Variants in IQCH observed in about 807,000 individuals in gnomAD.
IQCH encodes the protein IQ domain-containing protein H.
A neutral mutation model predicts 117.0 loss-of-function variants in IQCH; 98 were observed. The ratio of observed to expected loss-of-function variants is 0.84; its 90% CI spans 0.71 to 0.99. The LOEUF (loss-of-function observed/expected upper bound fraction) is 0.99, where lower values mean the gene tolerates loss of function less well. IQCH is among the 50% of genes least tolerant of loss of function. IQCH has a pLI of 0.00. For missense variants in IQCH, 1,102 were observed against 1,243.8 expected (o/e 0.89, Z 1.72); for synonymous variants, 412 against 448.2 (o/e 0.92, Z 1.02).
rs186083842 is a variant in IQCH at position 67,432,272 on chromosome 15, G to A, written c.2505+10695G>A. On this transcript the variant is annotated intron_variant, in intron 16 of 20. Coordinates refer to ENST00000335894, the MANE Select transcript of IQCH (RefSeq NM_001031715.3). This position sits in a 1 kb window ranked among gnomAD's most constrained non-coding sequence, Gnocchi z 5.0. ...AGACTTGTCACAAAGTACAGATTGTGAGGAAAGATGAAAATGGAGGCCCTG... is the reference window on the plus strand; with the variant it reads ...AGACTTGTCACAAAGTACAGATTGTAAGGAAAGATGAAAATGGAGGCCCTG... 2.8e-4 allele frequency among the ~76,000 whole-genome samples: 42 copies of A among 152,222 alleles called. No homozygotes were observed. Among genetic ancestry groups the A allele is most frequent in the East Asian group, 2.7e-3 (14 of 5,188 alleles).
At position 67,370,890 on chromosome 15, in the gene IQCH, GA is replaced by G. The variant is rs1341257052; in HGVS notation, c.754-1217del. ...TTGTGCGGCCCAGGACCGGAGAAAA[GA>G]AAACGCGTGAATAATCTGATATAGT... is the stretch of plus-strand genomic sequence containing the variant. On this transcript the variant is annotated intron_variant, in intron 8 of 20. Coordinates refer to ENST00000335894, the MANE Select transcript of IQCH (RefSeq NM_001031715.3). This position sits in a 1 kb window ranked among gnomAD's most constrained non-coding sequence, Gnocchi z 5.6. 2.0e-5 allele frequency among the ~76,000 whole-genome samples: 3 copies of G among 150,608 alleles called. No individual in the cohort carries two copies. Among genetic ancestry groups the G allele is most frequent in the African/African-American group, 7.3e-5 (3 of 41,082 alleles).
chr15:67,439,611 C>T (rs577294658), intron 16 of IQCH, among the ~76,000 whole-genome samples: 34 of 152,128 alleles, frequency 2.2e-4, no homozygotes, highest in Non-Finnish European at 3.7e-4. Context: ...ATAGGCCAGG[C>T]GCAGTGGCTC....
chr15:67,421,221 A>G, intron 15 of IQCH, 70 bp from the exon 16 acceptor site: 1 of 1,315,382 alleles, frequency 7.6e-7, no homozygotes. Flanking sequence ...GACATGGCAG[A>G]TGCAGAATCT....
intron 4 of IQCH, among the ~76,000 whole-genome samples, chr15:67,333,150 A>G (rs1968739663): frequency 6.6e-6 from 1 of 152,178 alleles, no homozygotes; most frequent in South Asian, 2.1e-4. Flanking sequence ...ACCACCTTCC[A>G]AAGGCCCCAT....
chr15:67,267,502 C>T (rs1228368976), intron 3 of IQCH, among the ~76,000 whole-genome samples: 3 of 152,268 alleles, frequency 2.0e-5, no homozygotes, highest in Middle Eastern at 3.4e-3. Flanking sequence ...AGAGCTTGGT[C>T]CTGGAAATTC....
chr15:67,445,055 A>G lies in IQCH; in HGVS notation c.2506-20072A>G, dbSNP rs536735928. Among the ~76,000 whole-genome samples, 29 of 152,320 alleles carry G rather than the reference A, an allele frequency of 1.9e-4. No homozygotes were observed. The highest frequency in any genetic ancestry group is 6.3e-4 in the African/African-American group (26 of 41,564). ...TGTTTCTTAGAAATAATGAATTTGA[A>G]TTATACTTGGAAAGTGGTGGCTTTG... On this transcript the variant is annotated intron_variant, in intron 16 of 20. Coordinates refer to ENST00000335894, the MANE Select transcript of IQCH (RefSeq NM_001031715.3). This position sits in a 1 kb window ranked among gnomAD's most constrained non-coding sequence, Gnocchi z 4.3.
In IQCH at chr15:67,433,180, T is replaced by G. The variant is rs147826295; in HGVS notation, c.2505+11603T>G. ...CTTGGAAGCATTAAAGTAAAAGACCTTCTCCCTTTAAAAGGGCTGTATCTT... is the reference window on the plus strand; with the variant it reads ...CTTGGAAGCATTAAAGTAAAAGACCGTCTCCCTTTAAAAGGGCTGTATCTT... On this transcript the variant is annotated intron_variant, in intron 16 of 20. Transcript: ENST00000335894. The surrounding 1 kb of genome is among the most constrained non-coding windows in gnomAD (Gnocchi z 5.4). Among the ~76,000 whole-genome samples, 1 of 152,182 alleles carries G rather than the reference T, an allele frequency of 6.6e-6. No individual in the cohort carries two copies. The highest frequency in any genetic ancestry group is 2.4e-5 in the African/African-American group (1 of 41,436).
At position 67,465,315 on chromosome 15, in the gene IQCH, C is replaced by T; in HGVS notation, c.2676+18C>T. 6.2e-7 allele frequency: 1 copy of T among 1,609,224 alleles called. No individual in the cohort carries two copies. Among genetic ancestry groups the T allele is most frequent in the African/African-American group, 1.3e-5 (1 of 74,976 alleles). ...CAATGCCGGTAAGCAAGAGGTGCTT[C>T]CTGAAGGTTCTCGGTGTTCAGCAAC... On this transcript the variant is annotated intron_variant, in intron 17 of 20. Coordinates refer to ENST00000335894, the MANE Select transcript of IQCH (RefSeq NM_001031715.3). The surrounding 1 kb of genome is among the most constrained non-coding windows in gnomAD (Gnocchi z 5.9).
At chr15:67,410,750 T>C (rs939747514) in intron 14 of IQCH, among the ~76,000 whole-genome samples, 1 of 152,212 alleles carries the variant, frequency 6.6e-6, no homozygotes, top group Non-Finnish European at 1.5e-5. Flanking sequence ...AGAGGGGACA[T>C]AGATGCTGGG....
chr15:67,277,530 CTTTTTTTTT>C lies in IQCH; in HGVS notation c.270-1851_270-1843del, dbSNP rs574311972. 7.3e-4 allele frequency among the ~76,000 whole-genome samples: 94 copies of C among 128,842 alleles called. 1 individual carries two copies. Among genetic ancestry groups the C allele is most frequent in the Admixed American group, 5.1e-3 (63 of 12,452 alleles). 84.5% of individuals were successfully genotyped at this position (128,842 alleles called of 152,430 possible). A position where few individuals can be genotyped will look rare whatever the true frequency, so the allele number is the denominator to read the frequency against. On this transcript the variant is annotated intron_variant, in intron 3 of 20. Coordinates refer to ENST00000335894, the MANE Select transcript of IQCH (RefSeq NM_001031715.3). Reference sequence around the variant, plus strand: ...GGCATCTGAGAGTTTCCTCCAGTATCTTTTTTTTTTTTTTTTTTTTTTAGACGGAGTCTC... The same window carrying C: ...GGCATCTGAGAGTTTCCTCCAGTATCTTTTTTTTTTTTTAGACGGAGTCTC...
At chr15:67,452,291 C>T (rs1567200578) in intron 16 of IQCH, among the ~76,000 whole-genome samples, 1 of 152,066 alleles carries the variant, frequency 6.6e-6, no homozygotes, top group African/African-American at 2.4e-5. Context: ...TTATTTTGCT[C>T]GTTAGTTGAT....
At chr15:67,301,565 A>T (rs1420856166) in intron 4 of IQCH, among the ~76,000 whole-genome samples, 2 of 151,768 alleles carry the variant, frequency 1.3e-5, no homozygotes, top group African/African-American at 4.8e-5. Context: ...GCACGCTACT[A>T]CACCTGGCTA....
chr15:67,493,612 C>T lies in IQCH; in HGVS notation c.2862-646C>T, dbSNP rs528818777. Among the ~76,000 whole-genome samples, 3 of 152,258 alleles carry T rather than the reference C, an allele frequency of 2.0e-5. No individual in the cohort carries two copies. The highest frequency in any genetic ancestry group is 4.2e-4 in the South Asian group (2 of 4,810). ...TGTCTCCATAGACAAGGAAATCATT[C>T]GGCAAGGATCACACTTAGCGACAGT... On this transcript the variant is annotated intron_variant, in intron 19 of 20. Coordinates refer to ENST00000335894, the MANE Select transcript of IQCH (RefSeq NM_001031715.3). This position sits in a 1 kb window ranked among gnomAD's most constrained non-coding sequence, Gnocchi z 5.1.
At chr15:67,268,875 C>A (rs1466377536) in intron 3 of IQCH, among the ~76,000 whole-genome samples, 1 of 152,050 alleles carries the variant, frequency 6.6e-6, no homozygotes, top group Non-Finnish European at 1.5e-5. Context: ...CTGTTCTTTC[C>A]ATTTTTCTTT....
intron 4 of IQCH, among the ~76,000 whole-genome samples, chr15:67,321,489 T>C (rs1025550260): frequency 6.6e-6 from 1 of 151,008 alleles, no homozygotes; most frequent in African/African-American, 2.4e-5. Flanking sequence ...TTTCTTTCTT[T>C]TTCTTTCTTT....
chr15:67,363,187 A>C (rs1009876623), intron 8 of IQCH, among the ~76,000 whole-genome samples: 1 of 151,854 alleles, frequency 6.6e-6, no homozygotes, highest in South Asian at 2.1e-4. Context: ...GGAAAAAAAA[A>C]CAAACAAACA....
At chr15:67,361,064 G>A (rs922746021) in intron 8 of IQCH, among the ~76,000 whole-genome samples, 1 of 152,198 alleles carries the variant, frequency 6.6e-6, no homozygotes, top group Non-Finnish European at 1.5e-5. Flanking sequence ...CCACTGAACC[G>A]TCATAGCAGG....
At chr15:67,256,190 G>A (rs1431292376) in intron 1 of IQCH, among the ~76,000 whole-genome samples, 1 of 152,138 alleles carries the variant, frequency 6.6e-6, no homozygotes, top group African/African-American at 2.4e-5. Flanking sequence ...GAGATGAATA[G>A]GACAGAGTCC....
chr15:67,353,556 C>T (rs1462920406), intron 6 of IQCH, among the ~76,000 whole-genome samples: 1 of 151,978 alleles, frequency 6.6e-6, no homozygotes, highest in Non-Finnish European at 1.5e-5. Flanking sequence ...GAGAGGGTTT[C>T]ACCATGTTGC....
Sources: allele counts gnomAD v4.1 joint callset (sites outside exome capture counted in the v4.1 genomes callset), GRCh38; gene constraint gnomAD v4.1.1; non-coding constraint Gnocchi (gnomAD v3.1); transcripts MANE v1.5; gene names NCBI Gene and HGNC (gene_info 2026-07-23, HGNC 2026-07-21).